PRKAR1B: variants seen among roughly 807,000 people sequenced by gnomAD.
PRKAR1B encodes the protein protein kinase cAMP-dependent type I regulatory subunit beta.
In PRKAR1B, 22 loss-of-function variants were observed where a neutral mutation model predicts 46.5. The observed-to-expected ratio is 0.47, with a 90% CI of 0.34 to 0.68. PRKAR1B has a LOEUF of 0.68. Ranked by LOEUF, PRKAR1B falls within the 30% of genes least tolerant of loss-of-function variation. The pLI, the probability that PRKAR1B is intolerant of heterozygous loss-of-function variation, is 0.01. For synonymous variants in PRKAR1B, 259 were observed against 217.7 expected (o/e 1.19, Z -1.67); for missense variants, 445 against 535.6 (o/e 0.83, Z 1.67).
intron 4 of PRKAR1B, among the ~76,000 whole-genome samples, chr7:660,958 TC>T (rs1785509598): frequency 1.2e-5 from 1 of 85,566 alleles, no homozygotes; most frequent in Non-Finnish European, 2.2e-5. Flanking sequence ...TACTTACTCT[TC>T]CCCTCCATGG....
At position 593,953 on chromosome 7, in the gene PRKAR1B, C is replaced by T. The variant is rs550519494; in HGVS notation, c.708+2193G>A. On this transcript the variant is annotated intron_variant, in intron 7 of 10. Coordinates refer to ENST00000537384, the MANE Select transcript of PRKAR1B (RefSeq NM_001164760.2). The surrounding 1 kb of genome is among the most constrained non-coding windows in gnomAD (Gnocchi z 6.1). ...ATCCACAAAACACAAGAGCCGGCAT[C>T]GCCGTGGGGCCGGGACAGGCCAGCG... Among the ~76,000 whole-genome samples, 2 of 152,306 alleles carry T rather than the reference C, an allele frequency of 1.3e-5. No individual in the cohort carries two copies. Among genetic ancestry groups the T allele is most frequent in the East Asian group, 1.9e-4 (1 of 5,158 alleles).
At chr7:715,186 T>C (rs1780830573) in intron 1 of PRKAR1B, among the ~76,000 whole-genome samples, 2 of 152,042 alleles carry the variant, frequency 1.3e-5, no homozygotes, top group Admixed American at 1.3e-4. Flanking sequence ...TCGAAATAAA[T>C]AAATAATAAA....
At chr7:573,954 T>C (rs1779676911) in intron 9 of PRKAR1B, among the ~76,000 whole-genome samples, 1 of 152,134 alleles carries the variant, frequency 6.6e-6, no homozygotes, top group Admixed American at 6.5e-5. Flanking sequence ...ACACGCGGTG[T>C]GCGTGGGGGG....
At chr7:606,847 TTA>T (rs1219377109) in intron 5 of PRKAR1B, among the ~76,000 whole-genome samples, 2 of 151,844 alleles carry the variant, frequency 1.3e-5, no homozygotes, top group Non-Finnish European at 2.9e-5. Flanking sequence ...TTATATTTAC[TTA>T]GTTTTATACA....
At chr7:618,759 A>AC (rs749914169) in intron 4 of PRKAR1B, among the ~76,000 whole-genome samples, 3 of 152,120 alleles carry the variant, frequency 2.0e-5, no homozygotes, top group Non-Finnish European at 4.4e-5. Flanking sequence ...AAGGGTTGGT[A>AC]CCTTCTTTCC....
At chr7:710,544 G>C (rs1408408569) in intron 2 of PRKAR1B, among the ~76,000 whole-genome samples, 1 of 152,036 alleles carries the variant, frequency 6.6e-6, no homozygotes, top group East Asian at 1.9e-4. Context: ...CCGACCACAC[G>C]TGCCGAAGGG....
intron 2 of PRKAR1B, among the ~76,000 whole-genome samples, chr7:694,168 C>G (rs894009811): frequency 9.9e-5 from 15 of 152,064 alleles, no homozygotes; most frequent in African/African-American, 3.1e-4. Context: ...GCCTGTAGTC[C>G]CAGCTACTCG....
At chr7:726,635 C>T (rs553162464) in intron 1 of PRKAR1B, 231 of 1,072,132 alleles carry the variant, frequency 2.2e-4, no homozygotes, top group Non-Finnish European at 2.6e-4. Flanking sequence ...GCGCCCCGCC[C>T]GCAGCGCGGA....
chr7:682,038 G>A (rs1374489045), intron 2 of PRKAR1B, among the ~76,000 whole-genome samples: 2 of 152,052 alleles, frequency 1.3e-5, no homozygotes, highest in African/African-American at 4.8e-5. Flanking sequence ...ATGAAGTAAG[G>A]GGAGGGAGGG....
intron 4 of PRKAR1B, among the ~76,000 whole-genome samples, chr7:674,074 C>T (rs980987668): frequency 6.6e-6 from 1 of 152,202 alleles, no homozygotes; most frequent in Non-Finnish European, 1.5e-5. Flanking sequence ...CCGCCCACCT[C>T]GAATCTCACT....
chr7:645,620 G>C (rs1784584645), intron 4 of PRKAR1B, among the ~76,000 whole-genome samples: 1 of 152,204 alleles, frequency 6.6e-6, no homozygotes, highest in South Asian at 2.1e-4. Context: ...GTCACGGACA[G>C]GCTGTTTCTC....
chr7:596,212 G>C lies in PRKAR1B; in HGVS notation c.642C>G (p.Thr214=), dbSNP rs76061469. 14 of 1,613,902 alleles carry C rather than the reference G, an allele frequency of 8.7e-6. No individual in the cohort carries two copies. The highest frequency in any genetic ancestry group is 8.3e-5 in the Admixed American group (5 of 60,000). The part of the protein sequence containing the change: ...ALIYGTPRAA[T]VKAKTDLKLW... ...GCTTGAGGTCCGTCTTGGCTTTCAC[G>C]GTCGCAGCCCTGGGGGTGCCGTAGA... Residue 214 remains threonine, a synonymous_variant, in exon 7 of 11, where the codon ACC becomes ACG. Coordinates refer to ENST00000537384, the MANE Select transcript of PRKAR1B (RefSeq NM_001164760.2).
chr7:712,890 C>T (rs1388439200), intron 1 of PRKAR1B: 1 of 152,400 alleles, frequency 6.6e-6, no homozygotes, highest in Admixed American at 6.6e-5. Context: ...CACCCGGTAC[C>T]CAGCAAGCAC....
rs541950286 is a variant in PRKAR1B, at chr7:711,105, A to C, written c.177+224T>G. ...AGCCGAAGGGGGAATTCTGTGGCTCAGAGGACCCCACCTAGAGGCATGAAT... is the reference window on the plus strand; with the variant it reads ...AGCCGAAGGGGGAATTCTGTGGCTCCGAGGACCCCACCTAGAGGCATGAAT... On this transcript the variant is annotated intron_variant, in intron 2 of 10. Coordinates refer to ENST00000537384, the MANE Select transcript of PRKAR1B (RefSeq NM_001164760.2). Among the ~76,000 whole-genome samples the C allele has an allele frequency of 2.0e-5, 3 of 152,318 alleles. No homozygotes were observed. In the South Asian group the frequency reaches 6.2e-4, roughly 32 times the overall value.
At chr7:625,495 G>A (rs1300992056) in intron 4 of PRKAR1B, among the ~76,000 whole-genome samples, 1 of 152,178 alleles carries the variant, frequency 6.6e-6, no homozygotes, top group Admixed American at 6.5e-5. Context: ...AATGAAAGAA[G>A]GGACATCACT....
At position 560,956 on chromosome 7, in the gene PRKAR1B, C is replaced by T. The variant is rs1778748245; in HGVS notation, c.892-9486G>A. ...CTCCAGTGCCTTTACGTTTCCTGTG[C>T]ACACATTTCCTGCCTGTGTGCTTCT... is the stretch of plus-strand genomic sequence containing the variant. On this transcript the variant is annotated intron_variant, in intron 9 of 10. Transcript: ENST00000537384. This position sits in a 1 kb window ranked among gnomAD's most constrained non-coding sequence, Gnocchi z 4.2. Among the ~76,000 whole-genome samples the T allele has an allele frequency of 6.6e-6, 1 of 152,192 alleles. No homozygotes were observed. The highest frequency in any genetic ancestry group is 1.5e-5 in the Non-Finnish European group (1 of 68,038).
At chr7:657,006 T>C (rs923988187) in intron 4 of PRKAR1B, among the ~76,000 whole-genome samples, 3 of 151,052 alleles carry the variant, frequency 2.0e-5, no homozygotes, top group African/African-American at 7.3e-5. Flanking sequence ...GATGGATGGA[T>C]GGACGGATGG....
intron 4 of PRKAR1B, 68 bp downstream of exon 4, chr7:677,161 G>A: frequency 1.3e-6 from 2 of 1,488,062 alleles, no homozygotes; most frequent in Non-Finnish European, 1.9e-6. Context: ...CAAGTGGCGG[G>A]ACCTGCCCAC....
At chr7:582,454 T>G (rs1379023218) in intron 8 of PRKAR1B, among the ~76,000 whole-genome samples, 1 of 152,250 alleles carries the variant, frequency 6.6e-6, no homozygotes. Flanking sequence ...GTGCCGATGC[T>G]GACTGGGCAG....
Sources: allele counts gnomAD v4.1 joint callset (sites outside exome capture counted in the v4.1 genomes callset), GRCh38; gene constraint gnomAD v4.1.1; non-coding constraint Gnocchi (gnomAD v3.1); transcripts MANE v1.5; gene names NCBI Gene and HGNC (gene_info 2026-07-23, HGNC 2026-07-21).